Variants in SLIT2 observed in about 807,000 individuals in gnomAD.
The protein encoded by SLIT2 is slit guidance ligand 2.
A neutral mutation model predicts 185.7 loss-of-function variants in SLIT2; 41 were observed. The ratio of observed to expected loss-of-function variants is 0.22; its 90% CI spans 0.17 to 0.29. The LOEUF (loss-of-function observed/expected upper bound fraction) is 0.29. SLIT2 is among the 10% of genes least tolerant of loss of function. SLIT2 has a pLI of 1.00. For synonymous variants in SLIT2, 693 were observed against 680.2 expected, an observed-to-expected ratio of 1.02 and a Z score of -0.29; for missense variants, 1,571 against 1,909.0, an observed-to-expected ratio of 0.82 and a Z score of 3.30.
At chr4:20,413,167 A>G (rs1437375692) in intron 4 of SLIT2, among the ~76,000 whole-genome samples, 3 of 151,918 alleles carry the variant, frequency 2.0e-5, no homozygotes, top group Non-Finnish European at 4.4e-5. Flanking sequence ...TTTCTCTGCT[A>G]TGATTTTGTT....
At chr4:20,362,030 G>T (rs1042690804) in intron 4 of SLIT2, among the ~76,000 whole-genome samples, 17 of 152,152 alleles carry the variant, frequency 1.1e-4, no homozygotes, top group African/African-American at 3.6e-4. Flanking sequence ...TATTAAGAAA[G>T]AATTTTCAAA....
Position 20,523,907 on chromosome 4 carries a change from T to C in SLIT2, c.1274+4T>C. 1 of 1,613,948 alleles carries C rather than the reference T, an allele frequency of 6.2e-7. No individual in the cohort carries two copies. The highest frequency in any genetic ancestry group is 8.5e-7 in the Non-Finnish European group (1 of 1,179,880). On this transcript the variant is annotated splice_donor_region_variant and intron_variant, in intron 13 of 36. Transcript: ENST00000504154. ...CTCTTCGGGCCATTCAAACTATGTA[T>C]GTATAAGTGATTTGGATCACTTTTG...
chr4:20,312,771 C>CAAAAAAA (rs34372893), intron 4 of SLIT2, among the ~76,000 whole-genome samples: 9 of 102,158 alleles, frequency 8.8e-5, no homozygotes, highest in Non-Finnish European at 9.9e-5. Flanking sequence ...GACTTTGTCT[C>CAAAAAAA]AAAAAAAAAA....
At chr4:20,273,195 AT>A (rs57107396) in intron 4 of SLIT2, among the ~76,000 whole-genome samples, 2,662 of 151,162 alleles carry the variant, frequency 0.018, 78 homozygotes, top group East Asian at 0.1. Context: ...AAGGAGACTT[AT>A]TTTTTTTTAA....
intron 29 of SLIT2, among the ~76,000 whole-genome samples, chr4:20,574,798 A>C (rs1402374649): frequency 1.3e-5 from 2 of 151,854 alleles, no homozygotes; most frequent in African/African-American, 2.4e-5. Context: ...AAAAAAAAAA[A>C]AAAAAAAAAC....
intron 6 of SLIT2, among the ~76,000 whole-genome samples, chr4:20,482,565 T>C (rs1382813113): frequency 1.3e-5 from 2 of 151,936 alleles, no homozygotes; most frequent in African/African-American, 4.8e-5. Flanking sequence ...AATCAAAATA[T>C]CTAAAAAGTG....
intron 33 of SLIT2, among the ~76,000 whole-genome samples, chr4:20,608,874 A>C (rs1250089693): frequency 6.6e-6 from 1 of 152,170 alleles, no homozygotes; most frequent in Non-Finnish European, 1.5e-5. Flanking sequence ...ATAATCTATC[A>C]CATGCTCCCA....
chr4:20,381,475 C>T (rs1724507448), intron 4 of SLIT2, among the ~76,000 whole-genome samples: 1 of 152,024 alleles, frequency 6.6e-6, no homozygotes, highest in African/African-American at 2.4e-5. Flanking sequence ...AATGTATTTT[C>T]GTTTTCATGT....
chr4:20,436,739 A>G (rs528124868), intron 4 of SLIT2, among the ~76,000 whole-genome samples: 16 of 152,332 alleles, frequency 1.1e-4, no homozygotes, highest in African/African-American at 3.6e-4. Context: ...ACAACCATGA[A>G]GCGGAGAAAT....
intron 4 of SLIT2, among the ~76,000 whole-genome samples, chr4:20,464,351 G>T (rs1391191423): frequency 6.6e-6 from 1 of 152,074 alleles, no homozygotes; most frequent in Non-Finnish European, 1.5e-5. Context: ...ATCATTGTCT[G>T]CTGAAATAAG....
At position 20,253,032 on chromosome 4, in the gene SLIT2, AGAGCGTCGCCAAGGACGCC is replaced by A. The variant is rs1722161826; in HGVS notation, c.-778_-760del. Among the ~76,000 whole-genome samples, 1 of 152,144 alleles carries A rather than the reference AGAGCGTCGCCAAGGACGCC, an allele frequency of 6.6e-6. No individual in the cohort carries two copies. ...GTGACCTCGGGGCAGGTCCTGGTGC[AGAGCGTCGCCAAGGACGCC>A]GAGCGGGAGGCGGGATTGCCCAGAC... On this transcript the variant is annotated 5_prime_UTR_variant, in exon 1 of 37. Coordinates refer to ENST00000504154, the MANE Select transcript of SLIT2 (RefSeq NM_004787.4).
chr4:20,279,636 T>G (rs1714525796), intron 4 of SLIT2, among the ~76,000 whole-genome samples: 1 of 152,140 alleles, frequency 6.6e-6, no homozygotes, highest in African/African-American at 2.4e-5. Context: ...AGTTTTTCCT[T>G]GTGTAAAATG....
At chr4:20,429,073 T>C (rs1397775452) in intron 4 of SLIT2, among the ~76,000 whole-genome samples, 1 of 152,210 alleles carries the variant, frequency 6.6e-6, no homozygotes, top group African/African-American at 2.4e-5. Context: ...CGTTTCGACT[T>C]TGACTTTCTT....
At chr4:20,558,383 CT>C (rs1724435581) in intron 26 of SLIT2, among the ~76,000 whole-genome samples, 1 of 152,020 alleles carries the variant, frequency 6.6e-6, no homozygotes. Context: ...AGGAGACAAC[CT>C]TGGCTAGCAG....
chr4:20,480,493 C>T (rs898656537), intron 5 of SLIT2, among the ~76,000 whole-genome samples: 3 of 152,140 alleles, frequency 2.0e-5, no homozygotes, highest in African/African-American at 4.8e-5. Flanking sequence ...TTTACTGGAG[C>T]TTTCCAAGGG....
chr4:20,439,616 C>T (rs1729595217), intron 4 of SLIT2, among the ~76,000 whole-genome samples: 1 of 152,090 alleles, frequency 6.6e-6, no homozygotes, highest in Admixed American at 6.5e-5. Flanking sequence ...CTGCAAAGAC[C>T]CATTTAAATA....
At chr4:20,312,205 TAA>T (rs1445924633) in intron 4 of SLIT2, among the ~76,000 whole-genome samples, 4 of 152,222 alleles carry the variant, frequency 2.6e-5, no homozygotes, top group African/African-American at 9.6e-5. Flanking sequence ...TATTTCGCTT[TAA>T]GTTACAGTAT....
At position 20,567,322 on chromosome 4, in the gene SLIT2, A is replaced by G; in HGVS notation, c.2786A>G (p.Asn929Ser). 6.2e-7 allele frequency: 1 copy of G among 1,613,036 alleles called. No individual in the cohort carries two copies. Among genetic ancestry groups the G allele is most frequent in the Non-Finnish European group, 8.5e-7 (1 of 1,179,230 alleles). ...CNPCLSNPCK[N>S]DGTCNSDPVD... ...CCCTGCCTATCAAATCCGTGTAAAA[A>G]TGATGGCACATGTAATAGTGATCCA... The change falls in exon 27 of 37, where the codon AAT becomes AGT. Residue 929 changes from asparagine to serine, a missense_variant. Transcript: ENST00000504154.
intron 4 of SLIT2, among the ~76,000 whole-genome samples, chr4:20,325,438 C>T (rs1420218133): frequency 7.5e-6 from 1 of 133,958 alleles, no homozygotes; most frequent in Non-Finnish European, 1.6e-5. Context: ...TGGGAATAAT[C>T]TTAAAAAAAA....
Sources: allele counts gnomAD v4.1 joint callset (sites outside exome capture counted in the v4.1 genomes callset), GRCh38; gene constraint gnomAD v4.1.1; transcripts MANE v1.5; gene names NCBI Gene and HGNC (gene_info 2026-07-23, HGNC 2026-07-21).